The following KCNH1 variants were observed in gnomAD, a reference collection of about 807,000 sequenced individuals.
The protein encoded by KCNH1 is potassium voltage-gated channel subfamily H member 1, also known as voltage-gated delayed rectifier potassium channel KCNH1.
In KCNH1, 27 loss-of-function variants were observed where a neutral mutation model predicts 69.2. That is an observed-to-expected ratio of 0.39 (90% confidence interval 0.29 to 0.54). KCNH1 has a LOEUF of 0.54. KCNH1 is among the 20% of genes least tolerant of loss of function. KCNH1 has a pLI of 0.68. For missense variants in KCNH1, 798 were observed against 1,261.6 expected (o/e 0.63, Z 5.57); for synonymous variants, 456 against 487.7 (o/e 0.93, Z 0.86).
At chr1:210,958,965 C>A (rs1339596940) in intron 6 of KCNH1, among the ~76,000 whole-genome samples, 1 of 152,220 alleles carries the variant, frequency 6.6e-6, no homozygotes. Context: ...TGGCGAGGAG[C>A]TGCGATCCTT....
At chr1:210,756,352 T>C (rs1683399816) in intron 10 of KCNH1, among the ~76,000 whole-genome samples, 2 of 152,178 alleles carry the variant, frequency 1.3e-5, no homozygotes, top group South Asian at 2.1e-4. Context: ...TTAGATGCTA[T>C]AACACAAACA....
Position 211,063,031 on chromosome 1 carries a change from G to A in KCNH1, c.558+19749C>T, listed in dbSNP as rs374989610. 3.9e-4 allele frequency among the ~76,000 whole-genome samples: 60 copies of A among 152,212 alleles called. 1 individual carries two copies. In the South Asian group the frequency reaches 0.012, roughly 29 times the overall value. On this transcript the variant is annotated intron_variant, in intron 5 of 10. Coordinates refer to ENST00000271751, the MANE Select transcript of KCNH1 (RefSeq NM_172362.3). ...TCCCATATTTATTACAGCACTATTCGCAATAGCCAGCATATGGAATCAACC... is the reference window on the plus strand; with the variant it reads ...TCCCATATTTATTACAGCACTATTCACAATAGCCAGCATATGGAATCAACC...
intron 5 of KCNH1, among the ~76,000 whole-genome samples, chr1:211,044,863 A>G (rs1210995883): frequency 6.6e-6 from 1 of 151,802 alleles, no homozygotes. Flanking sequence ...AAAGAACTAA[A>G]AGTAGAACTA....
chr1:210,788,972 A>C (rs1684163650), intron 9 of KCNH1, among the ~76,000 whole-genome samples: 1 of 148,888 alleles, frequency 6.7e-6, no homozygotes, highest in Admixed American at 6.6e-5. Context: ...CTGGGATTAC[A>C]GGCGTGAGCC....
intron 10 of KCNH1, among the ~76,000 whole-genome samples, chr1:210,718,464 TG>T (rs1284190722): frequency 1.4e-4 from 3 of 21,856 alleles, no homozygotes; most frequent in Non-Finnish European, 7.2e-5. Context: ...TATACATATA[TG>T]TATATATATA....
rs537710961 is a variant in KCNH1 at position 210,905,655 on chromosome 1, GA to G, written c.1462+13984del. 6.1e-3 allele frequency among the ~76,000 whole-genome samples: 903 copies of G among 148,300 alleles called. 6 individuals are homozygous for G. Among genetic ancestry groups the G allele is most frequent in the Middle Eastern group, 0.014 (4 of 286 alleles). On this transcript the variant is annotated intron_variant, in intron 7 of 10. Transcript: ENST00000271751. ...GAGCATCGTGTCTTTCATCTCAGGG[GA>G]AAAAAAAAATCGTAAAACTGGCCTA...
rs1686165354 is a variant in KCNH1 at position 210,868,514 on chromosome 1, A to G, written c.1462+51126T>C. Among the ~76,000 whole-genome samples the G allele has an allele frequency of 2.0e-5, 3 of 151,966 alleles. No homozygotes were observed. The South Asian group carries it at 6.2e-4, about 31-fold the overall frequency. Reference sequence around the variant, plus strand: ...AAAAACTTCTAGTTTTACAGTTTTAATTTTTATGTTTCAGTATACTACCTA... The same window carrying G: ...AAAAACTTCTAGTTTTACAGTTTTAGTTTTTATGTTTCAGTATACTACCTA... On this transcript the variant is annotated intron_variant, in intron 7 of 10. Transcript: ENST00000271751.
At chr1:210,741,391 C>T (rs1683027942) in intron 10 of KCNH1, among the ~76,000 whole-genome samples, 2 of 152,138 alleles carry the variant, frequency 1.3e-5, no homozygotes, top group Non-Finnish European at 2.9e-5. Flanking sequence ...GGACCCAGGC[C>T]AAACCATTCC....
intron 6 of KCNH1, among the ~76,000 whole-genome samples, chr1:210,924,902 C>CAAA (rs77435503): frequency 7.5e-6 from 1 of 133,030 alleles, no homozygotes; most frequent in Admixed American, 7.6e-5. Flanking sequence ...TTGACTATAG[C>CAAA]AAAAAAAAAA....
chr1:211,080,224 T>A lies in KCNH1; in HGVS notation c.558+2556A>T, dbSNP rs575581326. On this transcript the variant is annotated intron_variant, in intron 5 of 10. Coordinates refer to ENST00000271751, the MANE Select transcript of KCNH1 (RefSeq NM_172362.3). ...GAGTGAACTCCCATTCACAATTGCT[T>A]CAAAGAGAATAAAATACCTAGGAAT... is the stretch of plus-strand genomic sequence containing the variant. 2.6e-5 allele frequency among the ~76,000 whole-genome samples: 4 copies of A among 152,154 alleles called. No individual in the cohort carries two copies. The South Asian group carries it at 8.3e-4, about 32-fold the overall frequency.
chr1:210,811,176 G>C (rs991873884), intron 7 of KCNH1, among the ~76,000 whole-genome samples: 1 of 152,172 alleles, frequency 6.6e-6, no homozygotes, highest in African/African-American at 2.4e-5. Flanking sequence ...CCCCAGTCCA[G>C]AGACTACCTC....
Position 210,985,714 on chromosome 1 carries a change from A to G in KCNH1, c.1032+33069T>C, listed in dbSNP as rs1285917137. Among the ~76,000 whole-genome samples, 5 of 152,100 alleles carry G rather than the reference A, an allele frequency of 3.3e-5. No homozygotes were observed. The East Asian group carries it at 7.7e-4, about 23-fold the overall frequency. On this transcript the variant is annotated intron_variant, in intron 6 of 10. Transcript: ENST00000271751. ...TGCTTTACTTCCAACTATGTGGTCA[A>G]TTTTGGAACAGGTGTGGTGTGGTGC...
chr1:210,959,549 T>TTGTTGAGCCTAC (rs1365731155), intron 6 of KCNH1, among the ~76,000 whole-genome samples: 1 of 152,238 alleles, frequency 6.6e-6, no homozygotes, highest in Non-Finnish European at 1.5e-5. Flanking sequence ...GCAGTAGGCC[T>TTGTTGAGCCTAC]TGTTGAGCTG....
intron 1 of KCNH1, among the ~76,000 whole-genome samples, chr1:211,126,797 A>G (rs1271515621): frequency 1.3e-5 from 2 of 152,046 alleles, no homozygotes; most frequent in African/African-American, 4.8e-5. Context: ...TGAGCAACCC[A>G]AGACAGCATG....
At chr1:211,036,938 C>T (rs6540648) in intron 5 of KCNH1, among the ~76,000 whole-genome samples, 4 of 152,028 alleles carry the variant, frequency 2.6e-5, no homozygotes, top group African/African-American at 9.7e-5. Context: ...CTACAACATC[C>T]AATGCCAGGC....
intron 7 of KCNH1, among the ~76,000 whole-genome samples, chr1:210,849,608 C>T (rs181874863): frequency 1.2e-4 from 19 of 152,052 alleles, no homozygotes; most frequent in South Asian, 4.2e-4. Context: ...TCAGGTGATC[C>T]GCCCACCTCA....
intron 5 of KCNH1, among the ~76,000 whole-genome samples, chr1:211,079,612 A>T (rs1445186601): frequency 6.6e-6 from 1 of 152,248 alleles, no homozygotes; most frequent in Non-Finnish European, 1.5e-5. Flanking sequence ...CAAAAAGTTT[A>T]TCCAGCATGA....
intron 5 of KCNH1, among the ~76,000 whole-genome samples, chr1:211,060,214 C>T (rs1332770016): frequency 1.3e-5 from 2 of 150,818 alleles, no homozygotes; most frequent in Non-Finnish European, 3.0e-5. Context: ...ATACCAAAAC[C>T]TATGGGATAC....
chr1:210,956,938 T>C (rs998200553), intron 6 of KCNH1, among the ~76,000 whole-genome samples: 1 of 152,196 alleles, frequency 6.6e-6, no homozygotes, highest in Non-Finnish European at 1.5e-5. Context: ...ATCTTAGTTA[T>C]TTCTTGCCTT....
Sources: gnomAD v4.1 joint callset for allele counts (sites outside exome capture counted in the v4.1 genomes callset) on GRCh38, gnomAD v4.1.1 for gene constraint, MANE v1.5 for transcripts, NCBI Gene and HGNC (gene_info 2026-07-23, HGNC 2026-07-21) for gene names.